The following CTNNA3 variants were observed in gnomAD, a reference collection of about 807,000 sequenced individuals.
CTNNA3 encodes catenin alpha-3.
Under a neutral mutation model 95.7 loss-of-function variants are expected in CTNNA3, and 76 were observed. The observed-to-expected ratio is 0.79, with a 90% CI of 0.66 to 0.96. CTNNA3 has a LOEUF of 0.96. Among genes scored for constraint, CTNNA3 ranks in the 40% least tolerant of loss-of-function variants. The pLI, the probability that CTNNA3 is intolerant of heterozygous loss-of-function variation, is 0.00. For missense variants in CTNNA3, 1,191 were observed against 1,089.8 expected, an observed-to-expected ratio of 1.09 and a Z score of -1.31; for synonymous variants, 431 against 374.4, an observed-to-expected ratio of 1.15 and a Z score of -1.74.
chr10:67,298,444 G>C (rs1280337341), intron 5 of CTNNA3, among the ~76,000 whole-genome samples: 1 of 152,312 alleles, frequency 6.6e-6, no homozygotes. Context: ...TCACTGATGT[G>C]GTTAGCCCTT....
At chr10:66,396,882 A>G (rs1388073068) in intron 11 of CTNNA3, among the ~76,000 whole-genome samples, 3 of 151,936 alleles carry the variant, frequency 2.0e-5, no homozygotes, top group African/African-American at 4.8e-5. Flanking sequence ...CAAACTAACC[A>G]TTGGTAAACA....
chr10:66,339,822 T>A (rs1486665163), intron 12 of CTNNA3, among the ~76,000 whole-genome samples: 1 of 151,862 alleles, frequency 6.6e-6, no homozygotes, highest in Non-Finnish European at 1.5e-5. Flanking sequence ...TGAGATTAAG[T>A]CACCATTTTC....
In CTNNA3 at chr10:67,233,075, C is replaced by A. The variant is rs193285170; in HGVS notation, c.580-13205G>T. Among the ~76,000 whole-genome samples the A allele has an allele frequency of 7.7e-3, 1,180 of 152,292 alleles. 20 individuals are homozygous for A. Among genetic ancestry groups the A allele is most frequent in the African/African-American group, 0.027 (1,113 of 41,546 alleles). On this transcript the variant is annotated intron_variant, in intron 5 of 17. Transcript: ENST00000433211. Reference sequence around the variant, plus strand: ...ACAATAATAATGCGAGACTTTAACACCCCACTGTCAACATTAGACAGATCA... The same window carrying A: ...ACAATAATAATGCGAGACTTTAACAACCCACTGTCAACATTAGACAGATCA...
chr10:67,738,917 A>G (rs1841318571), intron 1 of CTNNA3, among the ~76,000 whole-genome samples: 1 of 152,214 alleles, frequency 6.6e-6, no homozygotes, highest in African/African-American at 2.4e-5. Flanking sequence ...AAATGAACAA[A>G]GCCTCCAAGA....
In CTNNA3 at chr10:66,026,594, C is replaced by A. The variant is rs368020379; in HGVS notation, c.2160-37797G>T. Among the ~76,000 whole-genome samples, 21 of 152,244 alleles carry A rather than the reference C, an allele frequency of 1.4e-4. No homozygotes were observed. In the South Asian group the frequency reaches 4.1e-3, roughly 30 times the overall value. On this transcript the variant is annotated intron_variant, in intron 15 of 17. Transcript: ENST00000433211. ...TGGCATTCTGCTAGGCCCTATTTGA[C>A]TGATAAGTATTATGCATTTTCCTCT...
At chr10:66,949,965 A>T (rs907250625) in intron 7 of CTNNA3, among the ~76,000 whole-genome samples, 25 of 152,308 alleles carry the variant, frequency 1.6e-4, no homozygotes, top group African/African-American at 5.8e-4. Context: ...CAGCTCAGAA[A>T]GTTCTAACAT....
At chr10:66,787,634 G>A (rs1483004968) in intron 7 of CTNNA3, among the ~76,000 whole-genome samples, 1 of 152,124 alleles carries the variant, frequency 6.6e-6, no homozygotes, top group East Asian at 1.9e-4. Flanking sequence ...TAGTTCGAAG[G>A]GGAGGAGGGG....
At chr10:66,796,830 A>G (rs1413927923) in intron 7 of CTNNA3, among the ~76,000 whole-genome samples, 1 of 152,094 alleles carries the variant, frequency 6.6e-6, no homozygotes, top group Non-Finnish European at 1.5e-5. Flanking sequence ...TGAAATTATA[A>G]GCCATGTAAC....
At chr10:67,586,337 A>G (rs1458624449) in intron 3 of CTNNA3, among the ~76,000 whole-genome samples, 1 of 152,142 alleles carries the variant, frequency 6.6e-6, no homozygotes, top group Non-Finnish European at 1.5e-5. Flanking sequence ...TGTCAGGTCC[A>G]TTTGGCCTAA....
chr10:67,152,296 A>G (rs980599048), intron 7 of CTNNA3, among the ~76,000 whole-genome samples: 20 of 152,200 alleles, frequency 1.3e-4, no homozygotes, highest in African/African-American at 4.8e-4. Context: ...TACATACAGA[A>G]TAAGAAGAAA....
chr10:67,166,720 T>C (rs900687928), intron 7 of CTNNA3, among the ~76,000 whole-genome samples: 3 of 152,256 alleles, frequency 2.0e-5, no homozygotes, highest in Non-Finnish European at 4.4e-5. Flanking sequence ...CTTTATGTTC[T>C]TCTCAAAGTA....
chr10:67,469,841 G>A (rs926494871), intron 5 of CTNNA3, among the ~76,000 whole-genome samples: 2 of 151,746 alleles, frequency 1.3e-5, no homozygotes, highest in African/African-American at 4.8e-5. Context: ...TATATTTATG[G>A]GGTACATAAG....
At chr10:67,453,802 G>A (rs1242119642) in intron 5 of CTNNA3, among the ~76,000 whole-genome samples, 1 of 152,168 alleles carries the variant, frequency 6.6e-6, no homozygotes. Context: ...ATTATGTAGA[G>A]TTTCCTTTTG....
intron 11 of CTNNA3, among the ~76,000 whole-genome samples, chr10:66,518,340 C>T (rs1476547956): frequency 6.6e-6 from 1 of 152,080 alleles, no homozygotes; most frequent in Non-Finnish European, 1.5e-5. Flanking sequence ...GTTGCATGTC[C>T]AGAGTATTCT....
chr10:66,449,437 A>G (rs550229607), intron 11 of CTNNA3, among the ~76,000 whole-genome samples: 1 of 152,264 alleles, frequency 6.6e-6, no homozygotes, highest in Non-Finnish European at 1.5e-5. Flanking sequence ...TGTGGTCAAA[A>G]TTACATGAAA....
chr10:66,496,570 G>A (rs553490846), intron 11 of CTNNA3, among the ~76,000 whole-genome samples: 8 of 152,282 alleles, frequency 5.3e-5, no homozygotes, highest in Admixed American at 2.0e-4. Flanking sequence ...CAATAAAGAA[G>A]TAATGATGGG....
chr10:67,407,324 A>G (rs531507404), intron 5 of CTNNA3, among the ~76,000 whole-genome samples: 5 of 152,316 alleles, frequency 3.3e-5, no homozygotes, highest in Non-Finnish European at 7.4e-5. Flanking sequence ...AAAACACATG[A>G]TTATCTCAAC....
At chr10:67,474,306 G>T (rs1161250959) in intron 5 of CTNNA3, among the ~76,000 whole-genome samples, 1 of 152,104 alleles carries the variant, frequency 6.6e-6, no homozygotes, top group African/African-American at 2.4e-5. Context: ...TTAAAATGAG[G>T]CCATCAGGGT....
intron 15 of CTNNA3, among the ~76,000 whole-genome samples, chr10:66,019,447 C>G (rs1284330692): frequency 6.6e-6 from 1 of 152,048 alleles, no homozygotes; most frequent in African/African-American, 2.4e-5. Flanking sequence ...CAGATCCCCC[C>G]CAAAAGTGGG....
Sources: gnomAD v4.1 joint callset for allele counts (sites outside exome capture counted in the v4.1 genomes callset) on GRCh38, gnomAD v4.1.1 for gene constraint, MANE v1.5 for transcripts, NCBI Gene and HGNC (gene_info 2026-07-23, HGNC 2026-07-21) for gene names.